The following CIT variants were observed in gnomAD, a reference collection of about 807,000 sequenced individuals.
The protein encoded by CIT is citron Rho-interacting kinase.
In CIT, 79 loss-of-function variants were observed where a neutral mutation model predicts 272.7. The observed-to-expected ratio is 0.29, with a 90% CI of 0.24 to 0.35. The LOEUF is 0.35. CIT is among the 10% of genes least tolerant of loss of function. The probability of loss-of-function intolerance (pLI) is 1.00; values close to 1 mark genes in which losing one functional copy is unlikely to be tolerated. For synonymous variants in CIT, 948 were observed against 995.6 expected (o/e 0.95, Z 0.90); for missense variants, 1,909 against 2,618.3 (o/e 0.73, Z 5.91).
chr12:119,717,846 T>TTTTTTTTTTTTTTTTTTTTTTTTTTTTG, intron 32 of CIT, among the ~76,000 whole-genome samples: 1 of 125,172 alleles, frequency 8.0e-6, no homozygotes, highest in African/African-American at 2.9e-5. Context: ...TTCTTTTTTT[T>TTTTTTTTTTTTTTTTTTTTTTTTTTTTG]TTTTTTTTTT....
rs779935583 is a variant in CIT at position 119,690,200 on chromosome 12, C to A, written c.6137G>T (p.Gly2046Val). The A allele has an allele frequency of 1.3e-6, 2 of 1,497,314 alleles. No homozygotes were observed. Among genetic ancestry groups the A allele is most frequent in the Admixed American group, 2.4e-5 (1 of 41,844 alleles). The allele number at this position is 1,497,314 out of a possible 1,614,324, so 92.8% of individuals were successfully genotyped here. A position where few individuals can be genotyped will look rare whatever the true frequency, so the allele number is the denominator to read the frequency against. ...PGRLFEDSSRGRLPAGAVRTP... is the reference protein window; with the variant it reads ...PGRLFEDSSRVRLPAGAVRTP... ...CCTCACGGCTCCCGCAGGCAGCCGGCCCCTGCTGCTGTCTTCAAACAGCCT... is the reference window on the plus strand; with the variant it reads ...CCTCACGGCTCCCGCAGGCAGCCGGACCCTGCTGCTGTCTTCAAACAGCCT... Residue 2046 changes from glycine to valine, a missense_variant, in exon 47 of 48, where the codon GGC (glycine) becomes GTC (valine). Gly to Val is a moderately radical substitution (Grantham distance 109). This residue lies in a region of CIT where 780 missense variants were observed against 1,067.2 expected (regional missense o/e 0.73). Coordinates refer to ENST00000392521, the MANE Select transcript of CIT (RefSeq NM_001206999.2). The surrounding 1 kb of genome is among the most constrained non-coding windows in gnomAD (Gnocchi z 6.0).
intron 5 of CIT, among the ~76,000 whole-genome samples, chr12:119,848,239 C>A (rs1056151218): frequency 6.6e-6 from 1 of 152,198 alleles, no homozygotes; most frequent in African/African-American, 2.4e-5. Context: ...GAAAACTTCT[C>A]TCCAGGCACT....
intron 10 of CIT, among the ~76,000 whole-genome samples, chr12:119,790,599 G>C (rs1593758992): frequency 6.6e-6 from 1 of 152,136 alleles, no homozygotes; most frequent in Middle Eastern, 3.4e-3. Context: ...CCCAGAGAGG[G>C]AGAGAGAGAG....
Position 119,772,643 on chromosome 12 carries a change from AAAGGGATCTTCAG to A in CIT, c.2082+114_2082+126del, listed in dbSNP as rs1210984458. On this transcript the variant is annotated intron_variant, in intron 17 of 47. Transcript: ENST00000392521. Reference sequence around the variant, plus strand: ...AATGATTCCCAGCCTCTCAGGTTTCAAAGGGATCTTCAGAAGGGAAAGCAGCTTTGGTCAAACA... The same window carrying A: ...AATGATTCCCAGCCTCTCAGGTTTCAAAGGGAAAGCAGCTTTGGTCAAACA... 1.2e-4 allele frequency: 125 copies of A among 1,068,672 alleles called. 1 individual carries two copies. The highest frequency in any genetic ancestry group is 2.4e-5 in the Non-Finnish European group (19 of 782,234). The allele number at this position is 1,068,672 out of a possible 1,614,324, so 66.2% of individuals were successfully genotyped here. A position where few individuals can be genotyped will look rare whatever the true frequency, so the allele number is the denominator to read the frequency against.
rs1334285675 is a variant in CIT at position 119,687,863 on chromosome 12, C to T, written c.*369G>A. ...AAGAAAAACCAACCAATCCTAGGAT[C>T]TTAAAGTAGCTAATTAGGATTCTAA... is the stretch of plus-strand genomic sequence containing the variant. On this transcript the variant is annotated 3_prime_UTR_variant, in exon 48 of 48. Coordinates refer to ENST00000392521, the MANE Select transcript of CIT (RefSeq NM_001206999.2). 3 of 207,044 alleles carry T rather than the reference C, an allele frequency of 1.4e-5. No individual in the cohort carries two copies. Among genetic ancestry groups the T allele is most frequent in the Non-Finnish European group, 2.9e-5 (3 of 105,214 alleles). 12.8% of individuals were successfully genotyped at this position (207,044 alleles called of 1,614,324 possible).
In CIT at chr12:119,700,845, C is replaced by G; in HGVS notation, c.5543-20G>C. The G allele has an allele frequency of 1.9e-6, 3 of 1,605,366 alleles. 1 individual carries two copies. Among genetic ancestry groups the G allele is most frequent in the Non-Finnish European group, 2.6e-6 (3 of 1,172,346 alleles). On this transcript the variant is annotated intron_variant, in intron 43 of 47. Coordinates refer to ENST00000392521, the MANE Select transcript of CIT (RefSeq NM_001206999.2). ...CAAATTCTGCAAGGTGTCAAGAGCA[C>G]GTGGGCATTAGCACAGCCAAGAGCA...
In CIT at chr12:119,825,244, G is replaced by T; in HGVS notation, c.878C>A (p.Ala293Asp). 6.2e-7 allele frequency: 1 copy of T among 1,614,046 alleles called. No individual in the cohort carries two copies. The highest frequency in any genetic ancestry group is 1.3e-5 in the African/African-American group (1 of 74,998). The change falls in exon 8 of 48, where the codon GCC (alanine) becomes GAC (aspartate). Residue 293 changes from alanine (A) to aspartate (D), a missense_variant. By Grantham distance (126) the Ala-to-Asp change is moderately radical (BLOSUM62 -2). This residue lies in a region of CIT where 529 missense variants were observed against 549.6 expected (regional missense o/e 0.96). Coordinates refer to ENST00000392521, the MANE Select transcript of CIT (RefSeq NM_001206999.2). ...DCDWWSVGVI[A>D]YEMIYGRSPF... ...GGATCTCCCATAAATCATCTCATAG[G>T]CAATCACGCCCACTGACCACCAGTC...
chr12:119,706,867 C>T (rs936413417), intron 40 of CIT, among the ~76,000 whole-genome samples: 1 of 152,224 alleles, frequency 6.6e-6, no homozygotes, highest in Admixed American at 6.5e-5. Context: ...CCCACACTGT[C>T]TTCCACAATG....
intron 24 of CIT, among the ~76,000 whole-genome samples, chr12:119,742,089 G>A (rs1312427491): frequency 6.6e-6 from 1 of 152,146 alleles, no homozygotes; most frequent in Admixed American, 6.5e-5. Flanking sequence ...TCTACATTGG[G>A]ACAGGAGGTG....
intron 16 of CIT, among the ~76,000 whole-genome samples, chr12:119,775,568 G>T (rs1207647310): frequency 6.6e-6 from 1 of 152,232 alleles, no homozygotes; most frequent in African/African-American, 2.4e-5. Flanking sequence ...GTCTCACACA[G>T]CTTGGTTTTT....
intron 21 of CIT, 47 bp from the exon 22 acceptor site, chr12:119,757,592 G>A (rs200512491): frequency 2.5e-6 from 4 of 1,609,132 alleles, no homozygotes; most frequent in Admixed American, 1.7e-5. Flanking sequence ...AGTCTCATTA[G>A]GGTTGAGCCC....
chr12:119,833,962 GGC>G, intron 6 of CIT, 122 bp downstream of exon 6: 1 of 1,009,442 alleles, frequency 9.9e-7, no homozygotes, highest in Non-Finnish European at 1.4e-6. Context: ...TTGGTAGACT[GGC>G]TAAAAACTGG....
intron 4 of CIT, among the ~76,000 whole-genome samples, chr12:119,851,428 C>T (rs1359763073): frequency 2.0e-5 from 3 of 152,138 alleles, no homozygotes; most frequent in African/African-American, 7.2e-5. Context: ...CACCATTGTC[C>T]ACTGAAAGGC....
chr12:119,787,207 C>T (rs1199596306), intron 10 of CIT, among the ~76,000 whole-genome samples: 1 of 151,924 alleles, frequency 6.6e-6, no homozygotes, highest in Non-Finnish European at 1.5e-5. Context: ...TCAAGCAATC[C>T]GCCCGCCTCA....
At chr12:119,757,076 C>T (rs1178536716) in intron 22 of CIT, among the ~76,000 whole-genome samples, 1 of 150,242 alleles carries the variant, frequency 6.7e-6, no homozygotes, top group Admixed American at 6.6e-5. Context: ...ACCAAGATCG[C>T]ACCACTGCAC....
At position 119,719,342 on chromosome 12, in the gene CIT, C is replaced by CA. The variant is rs890975467; in HGVS notation, c.3841-482dup. On this transcript the variant is annotated intron_variant, in intron 30 of 47. Coordinates refer to ENST00000392521, the MANE Select transcript of CIT (RefSeq NM_001206999.2). ...ATGAGGTCAAAACAAGGGGCTTACT[C>CA]AAAAAAAAATGCAAATGAAAATATT... 4.8e-4 allele frequency among the ~76,000 whole-genome samples: 69 copies of CA among 142,312 alleles called. 1 individual carries two copies. The highest frequency in any genetic ancestry group is 3.6e-3 in the Middle Eastern group (1 of 276). The allele number at this position is 142,312 out of a possible 152,430, so 93.4% of individuals were successfully genotyped here. A position where few individuals can be genotyped will look rare whatever the true frequency, so the allele number is the denominator to read the frequency against.
chr12:119,727,981 A>G (rs966793996), intron 28 of CIT, among the ~76,000 whole-genome samples: 2 of 152,100 alleles, frequency 1.3e-5, no homozygotes, highest in Admixed American at 1.3e-4. Context: ...GACATGGAGG[A>G]AACCTGGATG....
intron 9 of CIT, among the ~76,000 whole-genome samples, chr12:119,805,076 CA>C (rs33978151): frequency 6.7e-6 from 1 of 149,962 alleles, no homozygotes. Context: ...TTTTTAATAG[CA>C]AAAAAAAAAG....
chr12:119,742,561 GC>G (rs1276672088), intron 23 of CIT, 97 bp from the exon 24 acceptor site: 10 of 806,766 alleles, frequency 1.2e-5, no homozygotes, highest in Non-Finnish European at 2.0e-5. Context: ...TGCCTGGAAA[GC>G]CGAGAATGCG....
Sources: allele counts gnomAD v4.1 joint callset (sites outside exome capture counted in the v4.1 genomes callset), GRCh38; gene constraint gnomAD v4.1.1; regional missense constraint gnomAD v4.1.1; non-coding constraint Gnocchi (gnomAD v3.1); transcripts MANE v1.5; gene names NCBI Gene and HGNC (gene_info 2026-07-23, HGNC 2026-07-21).